Variants in ARHGAP15 observed in about 807,000 individuals in gnomAD.
ARHGAP15 encodes the protein rho GTPase-activating protein 15.
Under a neutral mutation model 63.7 loss-of-function variants are expected in ARHGAP15, and 51 were observed. The observed-to-expected ratio is 0.80, with a 90% CI of 0.64 to 1.01. The LOEUF (loss-of-function observed/expected upper bound fraction) is 1.01. Ranked by LOEUF, ARHGAP15 falls within the 50% of genes least tolerant of loss-of-function variation. The probability of loss-of-function intolerance (pLI) is 0.00; values close to 1 mark genes in which losing one functional copy is unlikely to be tolerated. For synonymous variants in ARHGAP15, 191 were observed against 193.8 expected (o/e 0.99, Z 0.12); for missense variants, 560 against 564.6 (o/e 0.99, Z 0.08).
chr2:143,361,419 C>T (rs563911275), intron 6 of ARHGAP15, among the ~76,000 whole-genome samples: 1 of 152,212 alleles, frequency 6.6e-6, no homozygotes, highest in Admixed American at 6.5e-5. Flanking sequence ...GGGAAGAGCA[C>T]TCTTATGGAA....
chr2:143,339,457 G>C (rs1684955136), intron 6 of ARHGAP15, among the ~76,000 whole-genome samples: 1 of 152,158 alleles, frequency 6.6e-6, no homozygotes, highest in African/African-American at 2.4e-5. Flanking sequence ...TATAGGAAGA[G>C]TGGGTAATAC....
At chr2:143,414,904 G>T (rs771109949) in intron 6 of ARHGAP15, among the ~76,000 whole-genome samples, 1 of 152,110 alleles carries the variant, frequency 6.6e-6, no homozygotes, top group Non-Finnish European at 1.5e-5. Flanking sequence ...ACTCCAGCCC[G>T]GGCAACAGAG....
intron 12 of ARHGAP15, chr2:143,641,385 T>C (rs1680593228): frequency 6.6e-6 from 1 of 152,136 alleles, no homozygotes; most frequent in Non-Finnish European, 1.5e-5. Flanking sequence ...AAGTAAAAGT[T>C]ATTAAGATTT....
At chr2:143,510,933 G>A (rs1693557660) in intron 9 of ARHGAP15, among the ~76,000 whole-genome samples, 1 of 152,196 alleles carries the variant, frequency 6.6e-6, no homozygotes, top group Admixed American at 6.5e-5. Context: ...CATAAATGAT[G>A]ATAAAACCGT....
chr2:143,218,124 T>G (rs185829725), intron 4 of ARHGAP15, among the ~76,000 whole-genome samples: 2 of 152,286 alleles, frequency 1.3e-5, no homozygotes, highest in East Asian at 3.9e-4. Context: ...TATACTATTG[T>G]GTTTTTGTTT....
At chr2:143,545,748 GA>G (rs200910695) in intron 10 of ARHGAP15, among the ~76,000 whole-genome samples, 3 of 151,916 alleles carry the variant, frequency 2.0e-5, no homozygotes, top group East Asian at 1.9e-4. Context: ...TCACAATTGG[GA>G]TTTTTTTTTC....
intron 2 of ARHGAP15, among the ~76,000 whole-genome samples, chr2:143,196,457 C>T (rs760111047): frequency 1.2e-4 from 18 of 151,970 alleles, no homozygotes; most frequent in Non-Finnish European, 2.5e-4. Context: ...GGGTTACCAT[C>T]AGTTCAAATA....
chr2:143,299,033 A>G (rs1479063473), intron 6 of ARHGAP15, among the ~76,000 whole-genome samples: 1 of 152,062 alleles, frequency 6.6e-6, no homozygotes, highest in East Asian at 1.9e-4. Context: ...CTACAATGTC[A>G]TATTGATTCA....
intron 9 of ARHGAP15, 71 bp from the exon 10 acceptor site, chr2:143,519,195 G>T (rs1386505788): frequency 3.3e-6 from 4 of 1,203,274 alleles, no homozygotes; most frequent in Non-Finnish European, 4.9e-6. Flanking sequence ...CAATGGATAT[G>T]GAAACGGAAT....
chr2:143,328,386 T>C (rs1196900993), intron 6 of ARHGAP15, among the ~76,000 whole-genome samples: 1 of 152,114 alleles, frequency 6.6e-6, no homozygotes, highest in African/African-American at 2.4e-5. Context: ...GTGGCACATA[T>C]ACACCATGGA....
intron 6 of ARHGAP15, among the ~76,000 whole-genome samples, chr2:143,259,550 A>T (rs1680608969): frequency 6.6e-6 from 1 of 152,186 alleles, no homozygotes; most frequent in African/African-American, 2.4e-5. Context: ...CATTATTCAT[A>T]AAAGCATTGC....
intron 8 of ARHGAP15, among the ~76,000 whole-genome samples, chr2:143,483,034 C>T (rs192922432): frequency 5.9e-5 from 9 of 152,294 alleles, no homozygotes; most frequent in East Asian, 1.9e-4. Context: ...AGTTTGGCTA[C>T]GTTAAAAACT....
chr2:143,346,091 C>T (rs1357566612), intron 6 of ARHGAP15, among the ~76,000 whole-genome samples: 2 of 151,936 alleles, frequency 1.3e-5, no homozygotes, highest in Non-Finnish European at 2.9e-5. Flanking sequence ...AACCAAGCTG[C>T]ATTTTTTATG....
At chr2:143,218,046 G>T (rs928015946) in intron 4 of ARHGAP15, among the ~76,000 whole-genome samples, 1 of 152,128 alleles carries the variant, frequency 6.6e-6, no homozygotes, top group Non-Finnish European at 1.5e-5. Flanking sequence ...AGAGGAAGCA[G>T]AGAAGAACAG....
At chr2:143,426,622 CAA>C (rs1417395679) in intron 6 of ARHGAP15, among the ~76,000 whole-genome samples, 1 of 152,068 alleles carries the variant, frequency 6.6e-6, no homozygotes, top group Non-Finnish European at 1.5e-5. Flanking sequence ...ACAAGGTGGG[CAA>C]GCATCTGCAG....
chr2:143,383,252 C>G (rs1005925034), intron 6 of ARHGAP15, among the ~76,000 whole-genome samples: 7 of 152,108 alleles, frequency 4.6e-5, no homozygotes, highest in Non-Finnish European at 8.8e-5. Flanking sequence ...CTTCTAATAA[C>G]AAATAATGTA....
At chr2:143,673,629 G>T (rs951210937) in intron 12 of ARHGAP15, among the ~76,000 whole-genome samples, 1 of 149,008 alleles carries the variant, frequency 6.7e-6, no homozygotes, top group Non-Finnish European at 1.5e-5. Context: ...ATATAAATTG[G>T]ATTTTACAAA....
intron 11 of ARHGAP15, among the ~76,000 whole-genome samples, chr2:143,588,853 A>T (rs1309423129): frequency 6.6e-6 from 1 of 152,124 alleles, no homozygotes; most frequent in East Asian, 1.9e-4. Context: ...TGGATTGGGC[A>T]AGTTTTCTAT....
intron 2 of ARHGAP15, among the ~76,000 whole-genome samples, chr2:143,176,171 C>T (rs917610383): frequency 6.6e-6 from 1 of 151,960 alleles, no homozygotes; most frequent in Admixed American, 6.6e-5. Flanking sequence ...CTTCAGGAGG[C>T]TTTTGTCACA....
Sources: allele counts gnomAD v4.1 joint callset (sites outside exome capture counted in the v4.1 genomes callset), GRCh38; gene constraint gnomAD v4.1.1; transcripts MANE v1.5; gene names NCBI Gene and HGNC (gene_info 2026-07-23, HGNC 2026-07-21).